KAT2B: variants seen among roughly 807,000 people sequenced by gnomAD.
KAT2B encodes the protein lysine acetyltransferase 2B.
In KAT2B, 36 loss-of-function variants were observed where a neutral mutation model predicts 105.9. That is an observed-to-expected ratio of 0.34 (90% confidence interval 0.26 to 0.45). The LOEUF (loss-of-function observed/expected upper bound fraction) is 0.45. KAT2B is among the 20% of genes least tolerant of loss of function. The pLI, the probability that KAT2B is intolerant of heterozygous loss-of-function variation, is 1.00. For missense variants in KAT2B, 820 were observed against 1,021.6 expected (o/e 0.80, Z 2.69); for synonymous variants, 397 against 377.9 (o/e 1.05, Z -0.59).
At chr3:20,101,043 G>T (rs1698900993) in intron 4 of KAT2B, 3 of 487,222 alleles carry the variant, frequency 6.2e-6, no homozygotes, top group Non-Finnish European at 1.1e-5. Context: ...AATGCTTCAG[G>T]ATTTCAGCAG....
At chr3:20,142,556 A>G (rs1699711498) in intron 13 of KAT2B, among the ~76,000 whole-genome samples, 1 of 151,256 alleles carries the variant, frequency 6.6e-6, no homozygotes, top group African/African-American at 2.4e-5. Flanking sequence ...AATAAGTTGT[A>G]GTTGTCATTA....
intron 1 of KAT2B, among the ~76,000 whole-genome samples, chr3:20,063,800 C>T (rs1357030732): frequency 6.6e-6 from 1 of 152,060 alleles, no homozygotes; most frequent in Non-Finnish European, 1.5e-5. Context: ...TTCGGCCTCC[C>T]CAAGTGCTGG....
rs1401798875 is a variant in KAT2B at position 20,154,249 on chromosome 3, AATTAATATTTTCTTAT to A, written c.*1726_*1741del. 6 of 152,754 alleles carry A rather than the reference AATTAATATTTTCTTAT, an allele frequency of 3.9e-5. No homozygotes were observed. Among genetic ancestry groups the A allele is most frequent in the Admixed American group, 2.0e-4 (3 of 15,306 alleles). The allele number at this position is 152,754 out of a possible 1,614,324, so 9.5% of individuals were successfully genotyped here. On this transcript the variant is annotated 3_prime_UTR_variant, in exon 18 of 18. Coordinates refer to ENST00000263754, the MANE Select transcript of KAT2B (RefSeq NM_003884.5). ...GCATTTTTATGTTTTCTAATTTAAA[AATTAATATTTTCTTAT>A]AGATATTGTGCAATAAAGCTGAAGT...
chr3:20,096,485 A>T (rs981848364), intron 3 of KAT2B, among the ~76,000 whole-genome samples: 4 of 152,166 alleles, frequency 2.6e-5, no homozygotes, highest in African/African-American at 2.4e-5. Flanking sequence ...TAAACCTGCT[A>T]CTGAGGGCAT....
At chr3:20,060,998 T>G (rs1319001066) in intron 1 of KAT2B, among the ~76,000 whole-genome samples, 5 of 152,150 alleles carry the variant, frequency 3.3e-5, no homozygotes, top group Admixed American at 6.5e-5. Context: ...TGATCTAAAG[T>G]TTACCATCTG....
At chr3:20,065,399 G>T (rs1424848751) in intron 1 of KAT2B, among the ~76,000 whole-genome samples, 3 of 152,124 alleles carry the variant, frequency 2.0e-5, no homozygotes, top group African/African-American at 7.2e-5. Context: ...GCCTAATTAA[G>T]GAGAGACATG....
At chr3:20,119,534 C>G in intron 7 of KAT2B, 64 bp from the exon 8 acceptor site, 3 of 1,590,836 alleles carry the variant, frequency 1.9e-6, no homozygotes, top group Non-Finnish European at 2.6e-6. Context: ...ATGTGCACTT[C>G]GTTTCTTGTT....
At chr3:20,140,183 G>T in intron 12 of KAT2B, 38 bp from the exon 13 acceptor site, 3 of 1,317,670 alleles carry the variant, frequency 2.3e-6, no homozygotes, top group Non-Finnish European at 2.2e-6. Flanking sequence ...GATATTTGGT[G>T]TATGGTGTTC....
chr3:20,102,636 C>T (rs564461085), intron 5 of KAT2B, among the ~76,000 whole-genome samples: 3 of 152,272 alleles, frequency 2.0e-5, no homozygotes, highest in Admixed American at 1.3e-4. Flanking sequence ...TTGCTTATTA[C>T]TTGCAGAATA....
chr3:20,143,948 G>C (rs1305134089), intron 13 of KAT2B, among the ~76,000 whole-genome samples: 3 of 152,016 alleles, frequency 2.0e-5, no homozygotes, highest in African/African-American at 7.2e-5. Flanking sequence ...TCACTACTTG[G>C]GCAGTGAGAT....
Position 20,119,712 on chromosome 3 carries a change from A to G in KAT2B, c.1265A>G (p.Glu422Gly), listed in dbSNP as rs571044140. ...SPACKASSGL[E>G]ANPGEKRKMT... ...GCCTGCAAAGCCTCTTCTGGACTTGAGGCAAACCCAGGTAAGCTCTTAAGA... is the reference window on the plus strand; with the variant it reads ...GCCTGCAAAGCCTCTTCTGGACTTGGGGCAAACCCAGGTAAGCTCTTAAGA... The change falls in exon 8 of 18, where the codon GAG (glutamate) becomes GGG (glycine). Residue 422 changes from glutamate (E) to glycine (G), a missense_variant. Coordinates refer to ENST00000263754, the MANE Select transcript of KAT2B (RefSeq NM_003884.5). 5 of 1,613,890 alleles carry G rather than the reference A, an allele frequency of 3.1e-6. No individual in the cohort carries two copies. The highest frequency in any genetic ancestry group is 3.4e-6 in the Non-Finnish European group (4 of 1,179,962).
At chr3:20,107,396 G>T (rs1310846409) in intron 5 of KAT2B, among the ~76,000 whole-genome samples, 1 of 151,226 alleles carries the variant, frequency 6.6e-6, no homozygotes, top group Non-Finnish European at 1.5e-5. Context: ...GGTGGCCCAC[G>T]CCAGTAATCC....
intron 8 of KAT2B, among the ~76,000 whole-genome samples, chr3:20,120,014 A>T (rs2125172838): frequency 6.6e-6 from 1 of 152,230 alleles, no homozygotes; most frequent in South Asian, 2.1e-4. Flanking sequence ...TTACCCATTG[A>T]TTATAATCTC....
intron 5 of KAT2B, among the ~76,000 whole-genome samples, chr3:20,108,422 A>T (rs2125163596): frequency 6.6e-6 from 1 of 152,326 alleles, no homozygotes. Flanking sequence ...TTCATTGCAG[A>T]AGATTGGACA....
intron 1 of KAT2B, among the ~76,000 whole-genome samples, chr3:20,054,879 G>A (rs1038957803): frequency 1.4e-4 from 22 of 152,214 alleles, no homozygotes; most frequent in Non-Finnish European, 7.3e-5. Context: ...TGTGAGCACC[G>A]GTTAGGGGCC....
intron 1 of KAT2B, among the ~76,000 whole-genome samples, chr3:20,054,385 C>T (rs913088377): frequency 2.0e-5 from 3 of 152,164 alleles, no homozygotes; most frequent in Admixed American, 6.5e-5. Context: ...CATCGGCCTT[C>T]CAAAGTGCTG....
intron 13 of KAT2B, among the ~76,000 whole-genome samples, chr3:20,142,535 T>C (rs937865609): frequency 6.6e-6 from 1 of 152,074 alleles, no homozygotes; most frequent in South Asian, 2.1e-4. Context: ...CCTAAAAGTA[T>C]ACAGGAGCAG....
intron 6 of KAT2B, among the ~76,000 whole-genome samples, chr3:20,113,329 A>G (rs1479533375): frequency 1.3e-5 from 2 of 152,230 alleles, no homozygotes; most frequent in African/African-American, 2.4e-5. Flanking sequence ...CTCTGAGTCA[A>G]GGTACAAAGA....
intron 1 of KAT2B, among the ~76,000 whole-genome samples, chr3:20,046,775 CA>C (rs1697819070): frequency 6.6e-6 from 1 of 152,136 alleles, no homozygotes; most frequent in African/African-American, 2.4e-5. Context: ...TTGTCTTTTT[CA>C]TTTGTCAGCA....
Sources: allele counts gnomAD v4.1 joint callset (sites outside exome capture counted in the v4.1 genomes callset), GRCh38; gene constraint gnomAD v4.1.1; transcripts MANE v1.5; gene names NCBI Gene and HGNC (gene_info 2026-07-23, HGNC 2026-07-21).